ULK4: variants seen among roughly 807,000 people sequenced by gnomAD.
ULK4 encodes the protein unc-51 like kinase 4, also known as inactive serine/threonine-protein kinase ULK4.
In ULK4, 133 loss-of-function variants were observed where a neutral mutation model predicts 160.6. The ratio of observed to expected loss-of-function variants is 0.83; its 90% confidence interval spans 0.72 to 0.96. The LOEUF (loss-of-function observed/expected upper bound fraction) is 0.96, where lower values mean the gene tolerates loss of function less well. Ranked by LOEUF, ULK4 falls within the 40% of genes least tolerant of loss-of-function variation. ULK4 has a pLI of 0.00. For synonymous variants in ULK4, 534 were observed against 539.8 expected (o/e 0.99, Z 0.15); for missense variants, 1,580 against 1,499.5 (o/e 1.05, Z -0.89).
intron 18 of ULK4, among the ~76,000 whole-genome samples, chr3:41,824,079 C>T (rs909721134): frequency 6.8e-6 from 1 of 147,598 alleles, no homozygotes; most frequent in African/African-American, 2.5e-5. Flanking sequence ...AGGAGAATTG[C>T]TTGAATCCAG....
At chr3:41,798,997 T>TA (rs2040379182) in intron 20 of ULK4, among the ~76,000 whole-genome samples, 1 of 152,150 alleles carries the variant, frequency 6.6e-6, no homozygotes, top group Non-Finnish European at 1.5e-5. Context: ...TAGGTCTACT[T>TA]ATATGGCAGA....
chr3:41,295,783 C>T (rs956736056), intron 35 of ULK4, among the ~76,000 whole-genome samples: 8 of 152,230 alleles, frequency 5.3e-5, no homozygotes, highest in Admixed American at 2.0e-4. Flanking sequence ...ACATCAAATG[C>T]TAGCAAGGAT....
At chr3:41,739,778 T>TG (rs1376240097) in intron 22 of ULK4, among the ~76,000 whole-genome samples, 1 of 151,840 alleles carries the variant, frequency 6.6e-6, no homozygotes. Flanking sequence ...AATGGGCCTG[T>TG]GTACCAGGGA....
rs534039994 is a variant in ULK4, at chr3:41,832,337, T to C, written c.1764+3527A>G. On this transcript the variant is annotated intron_variant, in intron 18 of 36. Coordinates refer to ENST00000301831, the MANE Select transcript of ULK4 (RefSeq NM_017886.4). Reference sequence around the variant, plus strand: ...TATGTTTGTTGGCCACATAAATGTCTTATTTTGAGAAATGTCTGTTCATAT... The same window carrying C: ...TATGTTTGTTGGCCACATAAATGTCCTATTTTGAGAAATGTCTGTTCATAT... Among the ~76,000 whole-genome samples, 4 of 152,364 alleles carry C rather than the reference T, an allele frequency of 2.6e-5. No homozygotes were observed. The South Asian group carries it at 8.3e-4, about 32-fold the overall frequency.
intron 31 of ULK4, among the ~76,000 whole-genome samples, chr3:41,608,770 G>A (rs753062586): frequency 6.6e-6 from 1 of 152,156 alleles, no homozygotes; most frequent in Non-Finnish European, 1.5e-5. Flanking sequence ...GAATTCAGGG[G>A]AGCCACATCC....
chr3:41,937,497 G>C (rs1234636246), intron 3 of ULK4, among the ~76,000 whole-genome samples: 2 of 149,636 alleles, frequency 1.3e-5, no homozygotes, highest in Non-Finnish European at 2.9e-5. Flanking sequence ...TGTATAAACA[G>C]AAGTACACTA....
At chr3:41,913,614 T>C (rs1302937614) in intron 8 of ULK4, among the ~76,000 whole-genome samples, 2 of 152,208 alleles carry the variant, frequency 1.3e-5, no homozygotes, top group South Asian at 2.1e-4. Context: ...TTACTTACCC[T>C]AACTGACACA....
chr3:41,761,373 C>T (rs2038979713), intron 21 of ULK4, among the ~76,000 whole-genome samples: 1 of 147,758 alleles, frequency 6.8e-6, no homozygotes, highest in Non-Finnish European at 1.5e-5. Flanking sequence ...TATGTATATA[C>T]ATATATTAGA....
intron 32 of ULK4, among the ~76,000 whole-genome samples, chr3:41,507,098 C>CAA (rs1220284806): frequency 1.1e-5 from 1 of 91,038 alleles, no homozygotes; most frequent in Non-Finnish European, 2.2e-5. Flanking sequence ...ACTAAATTAA[C>CAA]AATAAAAAGG....
At chr3:41,300,500 T>C (rs2079762884) in intron 35 of ULK4, among the ~76,000 whole-genome samples, 1 of 152,088 alleles carries the variant, frequency 6.6e-6, no homozygotes, top group South Asian at 2.1e-4. Context: ...CTACAGGATT[T>C]TGTCGTAAGT....
At chr3:41,462,687 G>C (rs2083716971) in intron 33 of ULK4, among the ~76,000 whole-genome samples, 1 of 152,208 alleles carries the variant, frequency 6.6e-6, no homozygotes, top group Non-Finnish European at 1.5e-5. Flanking sequence ...GCATGTGTAT[G>C]TACACAAACC....
At chr3:41,462,062 G>C (rs1005817469) in intron 33 of ULK4, among the ~76,000 whole-genome samples, 1 of 152,168 alleles carries the variant, frequency 6.6e-6, no homozygotes, top group Non-Finnish European at 1.5e-5. Flanking sequence ...TAATCTACTG[G>C]CTTTACAGTT....
intron 32 of ULK4, among the ~76,000 whole-genome samples, chr3:41,536,603 A>G (rs2086509041): frequency 6.6e-6 from 1 of 152,228 alleles, no homozygotes; most frequent in East Asian, 1.9e-4. Context: ...CTGTATTCTT[A>G]TAACAAAGTA....
At chr3:41,826,393 G>T (rs1320921816) in intron 18 of ULK4, among the ~76,000 whole-genome samples, 6 of 152,036 alleles carry the variant, frequency 3.9e-5, no homozygotes, top group Non-Finnish European at 5.9e-5. Context: ...GACCCATCAG[G>T]GTGCTGTATT....
chr3:41,789,693 C>T lies in ULK4; in HGVS notation c.2161G>A (p.Gly721Arg), dbSNP rs2040091912. Residue 721 changes from glycine to arginine, a missense_variant, in exon 21 of 37, where the codon GGG (glycine) becomes AGG (arginine). Physicochemically the swap from Gly to Arg is moderately radical, Grantham distance 125. Transcript: ENST00000301831. The stretch of plus-strand genomic sequence containing the variant: ...TGGATTAGTCTTTGAAGATGAATCC[C>T]ACAGGACAACATGGCAGCGAATAAG... ...LTLFAAMLSCGIHLQRLIQEK... is the reference protein window; with the variant it reads ...LTLFAAMLSCRIHLQRLIQEK... 2 of 1,603,186 alleles carry T rather than the reference C, an allele frequency of 1.2e-6. No individual in the cohort carries two copies. The highest frequency in any genetic ancestry group is 4.5e-5 in the East Asian group (2 of 43,962).
chr3:41,382,208 T>A (rs1200133897), intron 35 of ULK4, among the ~76,000 whole-genome samples: 1 of 152,188 alleles, frequency 6.6e-6, no homozygotes, highest in East Asian at 1.9e-4. Context: ...GGCTATCATG[T>A]CACTCTCTTA....
At position 41,895,679 on chromosome 3, in the gene ULK4, A is replaced by G. The variant is rs185707496; in HGVS notation, c.1531-115T>C. The G allele has an allele frequency of 4.4e-4, 206 of 465,512 alleles. 1 individual carries two copies. The highest frequency in any genetic ancestry group is 3.9e-3 in the African/African-American group (195 of 49,524). 28.8% of individuals were successfully genotyped at this position (465,512 alleles called of 1,614,324 possible). A position where few individuals can be genotyped will look rare whatever the true frequency, so the allele number is the denominator to read the frequency against. ...AGGACTTTATACAAAGGAAATTTAC[A>G]CTGTACACCAAAAATGGTATTTACT... On this transcript the variant is annotated intron_variant, in intron 15 of 36. Transcript: ENST00000301831.
intron 32 of ULK4, among the ~76,000 whole-genome samples, chr3:41,489,192 G>A (rs2084657605): frequency 6.6e-6 from 1 of 152,074 alleles, no homozygotes; most frequent in South Asian, 2.1e-4. Context: ...TTCTTTTACT[G>A]ACGACATAGG....
chr3:41,564,634 T>C (rs1459990082), intron 32 of ULK4, among the ~76,000 whole-genome samples: 2 of 151,728 alleles, frequency 1.3e-5, no homozygotes. Context: ...AATTTTTCTA[T>C]TTTTAGTAGA....
Sources: gnomAD v4.1 joint callset for allele counts (sites outside exome capture counted in the v4.1 genomes callset) on GRCh38, gnomAD v4.1.1 for gene constraint, MANE v1.5 for transcripts, NCBI Gene and HGNC (gene_info 2026-07-23, HGNC 2026-07-21) for gene names.